HS3ST4: variants seen among roughly 807,000 people sequenced by gnomAD.
The protein encoded by HS3ST4 is heparan sulfate-glucosamine 3-sulfotransferase 4.
Under a neutral mutation model 29.2 loss-of-function variants are expected in HS3ST4, and 17 were observed. The ratio of observed to expected loss-of-function variants is 0.58; its 90% confidence interval spans 0.40 to 0.87. HS3ST4 has a LOEUF of 0.87. Ranked by LOEUF, HS3ST4 falls within the 40% of genes least tolerant of loss-of-function variation. The probability of loss-of-function intolerance (pLI) is 0.00; values close to 1 mark genes in which losing one functional copy is unlikely to be tolerated. For synonymous variants in HS3ST4, 314 were observed against 285.7 expected (o/e 1.10, Z -1.00); for missense variants, 627 against 634.5 (o/e 0.99, Z 0.13).
chr16:25,703,082 C>G lies in HS3ST4; in HGVS notation c.734+9931C>G, dbSNP rs531483391. Reference sequence around the variant, plus strand: ...GCTGAGGCAGGAGAATCGCCTGAACCCAGGATGCAGAGGTTGCATTGAGCC... The same window carrying G: ...GCTGAGGCAGGAGAATCGCCTGAACGCAGGATGCAGAGGTTGCATTGAGCC... On this transcript the variant is annotated intron_variant, in intron 1 of 1. Transcript: ENST00000331351. 3.9e-5 allele frequency among the ~76,000 whole-genome samples: 6 copies of G among 152,104 alleles called. No individual in the cohort carries two copies. In the East Asian group the frequency reaches 1.2e-3, roughly 29 times the overall value.
intron 1 of HS3ST4, among the ~76,000 whole-genome samples, chr16:25,919,320 G>A (rs1339027199): frequency 1.3e-5 from 2 of 152,130 alleles, no homozygotes; most frequent in Non-Finnish European, 2.9e-5. Flanking sequence ...GAGAGCCACT[G>A]CACTCAGCCA....
intron 1 of HS3ST4, among the ~76,000 whole-genome samples, chr16:25,742,512 T>C (rs1966661591): frequency 6.6e-6 from 1 of 152,090 alleles, no homozygotes; most frequent in Non-Finnish European, 1.5e-5. Flanking sequence ...AAATACAGGG[T>C]AAATCCCACC....
chr16:25,812,318 C>A (rs1357429613), intron 1 of HS3ST4, among the ~76,000 whole-genome samples: 1 of 152,182 alleles, frequency 6.6e-6, no homozygotes, highest in Non-Finnish European at 1.5e-5. Flanking sequence ...CCAGCTCACA[C>A]CACATGCTGC....
intron 1 of HS3ST4, among the ~76,000 whole-genome samples, chr16:26,023,343 G>C (rs531597820): frequency 1.3e-5 from 2 of 151,858 alleles, no homozygotes; most frequent in East Asian, 3.9e-4. Context: ...CAACTGCTCT[G>C]ATAAGAAGAA....
At chr16:26,126,102 C>A (rs1021853807) in intron 1 of HS3ST4, among the ~76,000 whole-genome samples, 1 of 152,222 alleles carries the variant, frequency 6.6e-6, no homozygotes. Context: ...GCCTCTGACA[C>A]CACTTGTGGC....
chr16:25,996,771 T>C (rs1969162550), intron 1 of HS3ST4, among the ~76,000 whole-genome samples: 2 of 152,322 alleles, frequency 1.3e-5, no homozygotes, highest in South Asian at 4.1e-4. Flanking sequence ...GGCATTATTT[T>C]ATAAAATTAA....
intron 1 of HS3ST4, among the ~76,000 whole-genome samples, chr16:26,122,759 TA>T (rs1399634812): frequency 6.6e-6 from 1 of 151,998 alleles, no homozygotes; most frequent in Non-Finnish European, 1.5e-5. Flanking sequence ...TCATGTAGAT[TA>T]AGAATTTGAA....
chr16:26,012,974 C>G (rs1969324978), intron 1 of HS3ST4, among the ~76,000 whole-genome samples: 1 of 151,978 alleles, frequency 6.6e-6, no homozygotes, highest in African/African-American at 2.4e-5. Flanking sequence ...ACCATCCTGG[C>G]CAACATGGTG....
At chr16:25,719,860 CTG>C (rs1266233288) in intron 1 of HS3ST4, among the ~76,000 whole-genome samples, 2 of 152,168 alleles carry the variant, frequency 1.3e-5, no homozygotes, top group Non-Finnish European at 1.5e-5. Flanking sequence ...TCACCAGACA[CTG>C]TTGTGGATAT....
At chr16:26,115,432 A>G (rs138948946) in intron 1 of HS3ST4, among the ~76,000 whole-genome samples, 8 of 152,104 alleles carry the variant, frequency 5.3e-5, no homozygotes, top group Non-Finnish European at 1.5e-5. Flanking sequence ...GTGTTCAGCT[A>G]TGAAACTAAT....
intron 1 of HS3ST4, among the ~76,000 whole-genome samples, chr16:25,877,884 A>G (rs987016191): frequency 2.0e-5 from 3 of 152,222 alleles, no homozygotes; most frequent in African/African-American, 7.2e-5. Context: ...CTGTGCGCTA[A>G]GCACTGGAGA....
At chr16:25,846,371 A>G (rs1278781259) in intron 1 of HS3ST4, among the ~76,000 whole-genome samples, 1 of 152,150 alleles carries the variant, frequency 6.6e-6, no homozygotes, top group Non-Finnish European at 1.5e-5. Flanking sequence ...CTGTCTCTAC[A>G]AAAAATAAAA....
intron 1 of HS3ST4, among the ~76,000 whole-genome samples, chr16:25,889,224 T>G (rs1596603804): frequency 6.6e-6 from 1 of 152,180 alleles, no homozygotes; most frequent in East Asian, 1.9e-4. Context: ...GGATTACAAC[T>G]GAATCTTTTC....
chr16:25,993,348 T>G (rs1969129840), intron 1 of HS3ST4, among the ~76,000 whole-genome samples: 1 of 152,116 alleles, frequency 6.6e-6, no homozygotes. Flanking sequence ...GAGTGGACCC[T>G]GTGCTCCATC....
intron 1 of HS3ST4, among the ~76,000 whole-genome samples, chr16:25,815,401 G>T (rs1387137414): frequency 6.6e-6 from 1 of 152,176 alleles, no homozygotes; most frequent in Non-Finnish European, 1.5e-5. Context: ...TCGGCTCACT[G>T]CAACCTCCGC....
intron 1 of HS3ST4, among the ~76,000 whole-genome samples, chr16:25,975,407 C>T (rs1156535939): frequency 6.6e-6 from 1 of 152,022 alleles, no homozygotes; most frequent in Non-Finnish European, 1.5e-5. Context: ...ACACAATATA[C>T]CCATATATTC....
At chr16:26,134,524 G>A (rs978933752) in intron 1 of HS3ST4, among the ~76,000 whole-genome samples, 14 of 151,458 alleles carry the variant, frequency 9.2e-5, no homozygotes, top group African/African-American at 1.9e-4. Flanking sequence ...CACCATGCCC[G>A]GCTAATTTTT....
intron 1 of HS3ST4, among the ~76,000 whole-genome samples, chr16:25,794,870 A>G (rs1481333185): frequency 6.7e-6 from 1 of 148,894 alleles, no homozygotes; most frequent in Non-Finnish European, 1.5e-5. Context: ...TGCAAATTCT[A>G]TATGTGGTAA....
rs557204167 is a variant in HS3ST4 at position 25,721,686 on chromosome 16, G to T, written c.734+28535G>T. Among the ~76,000 whole-genome samples, 30 of 152,300 alleles carry T rather than the reference G, an allele frequency of 2.0e-4. No homozygotes were observed. In the South Asian group the frequency reaches 5.8e-3, roughly 29 times the overall value. On this transcript the variant is annotated intron_variant, in intron 1 of 1. Transcript: ENST00000331351. ...TCCATTTTCACAGTGACATCTGTTG[G>T]ATTACACCTGACATTCTGCAAAGTG...
Sources: gnomAD v4.1 joint callset for allele counts (sites outside exome capture counted in the v4.1 genomes callset) on GRCh38, gnomAD v4.1.1 for gene constraint, MANE v1.5 for transcripts, NCBI Gene and HGNC (gene_info 2026-07-23, HGNC 2026-07-21) for gene names.